TAF2: variants seen among roughly 807,000 people sequenced by gnomAD.
The protein encoded by TAF2 is transcription initiation factor TFIID subunit 2.
Under a neutral mutation model 138.5 loss-of-function variants are expected in TAF2, and 61 were observed. The ratio of observed to expected loss-of-function variants is 0.44; its 90% confidence interval spans 0.36 to 0.54. The LOEUF (loss-of-function observed/expected upper bound fraction) is 0.54, where lower values mean the gene tolerates loss of function less well. Among genes scored for constraint, TAF2 ranks in the 20% least tolerant of loss-of-function variants. The probability of loss-of-function intolerance (pLI) is 0.00; values close to 1 mark genes in which losing one functional copy is unlikely to be tolerated. For synonymous variants in TAF2, 475 were observed against 469.9 expected (o/e 1.01, Z -0.14); for missense variants, 1,090 against 1,427.9 (o/e 0.76, Z 3.81).
chr8:119,783,335 A>C, intron 16 of TAF2, 46 bp downstream of exon 16: 1 of 1,581,712 alleles, frequency 6.3e-7, no homozygotes, highest in Non-Finnish European at 8.6e-7. Flanking sequence ...AGAGATACAA[A>C]AAATATATAC....
At chr8:119,775,218 T>C (rs548117781) in intron 18 of TAF2, among the ~76,000 whole-genome samples, 1 of 139,334 alleles carries the variant, frequency 7.2e-6, no homozygotes, top group Non-Finnish European at 1.5e-5. Context: ...GAGGCAGAGG[T>C]TGCAGTGAGC....
Position 119,731,935 on chromosome 8 carries a change from G to C in TAF2, c.3589C>G (p.Leu1197Val), listed in dbSNP as rs750133454. The C allele has an allele frequency of 6.2e-7, 1 of 1,614,184 alleles. No homozygotes were observed. The highest frequency in any genetic ancestry group is 1.6e-4 in the Middle Eastern group (1 of 6,062). Reference protein sequence around the residue: ...ASGRSIRSPSLSD With the variant: ...ASGRSIRSPSVSD ...TTTTTGTCCCCTTCTCAGTCTGAAA[G>C]GGAAGGAGAACGAATAGACCTGCCA... The change falls in exon 26 of 26, where the codon CTT becomes GTT. Residue 1197 changes from leucine to valine, a missense_variant. Physicochemically the swap from Leu to Val is conservative, Grantham distance 32. Around this residue, in one of 3 missense-constraint regions of TAF2, gnomAD observed 580 missense variants for 719.6 expected, o/e 0.81. Coordinates refer to ENST00000378164, the MANE Select transcript of TAF2 (RefSeq NM_003184.4).
Position 119,758,086 on chromosome 8 carries a change from C to T in TAF2, c.2755G>A (p.Val919Ile), listed in dbSNP as rs1468135775. 6.2e-7 allele frequency: 1 copy of T among 1,613,252 alleles called. No individual in the cohort carries two copies. Among genetic ancestry groups the T allele is most frequent in the Non-Finnish European group, 8.5e-7 (1 of 1,179,564 alleles). Residue 919 changes from valine to isoleucine, a missense_variant, in exon 21 of 26, where the codon GTA (valine) becomes ATA (isoleucine). Transcript: ENST00000378164. ...WLLNMIQNDP[V>I]PYVRHKILNM... is the part of the protein sequence containing the mutation. ...ACATAAACTAACCTTACATAGGGTA[C>T]AGGGTCATTCTGAATCATATTAAGT... is the stretch of plus-strand genomic sequence containing the variant.
At chr8:119,791,553 C>T in intron 10 of TAF2, 94 bp from the exon 11 acceptor site, 1 of 1,425,728 alleles carries the variant, frequency 7.0e-7, no homozygotes. Flanking sequence ...ACCCAAAAAA[C>T]CTCAGGAGAA....
chr8:119,794,015 C>A (rs1347378106), intron 9 of TAF2, among the ~76,000 whole-genome samples: 2 of 151,958 alleles, frequency 1.3e-5, no homozygotes, highest in African/African-American at 4.8e-5. Flanking sequence ...GCAGCCTTGA[C>A]TTCCTGGGCT....
At chr8:119,790,953 T>A (rs1240556474) in intron 11 of TAF2, among the ~76,000 whole-genome samples, 2 of 150,916 alleles carry the variant, frequency 1.3e-5, no homozygotes, top group Admixed American at 6.8e-5. Context: ...CATGCCACTA[T>A]GCCTGACTTA....
chr8:119,825,850 A>ATT (rs1826062255), intron 2 of TAF2, among the ~76,000 whole-genome samples: 1 of 74,874 alleles, frequency 1.3e-5, no homozygotes, highest in South Asian at 3.9e-4. Context: ...ACGCCTGGCT[A>ATT]ATTTTTTTTT....
chr8:119,783,830 T>A (rs553099470), intron 15 of TAF2, among the ~76,000 whole-genome samples, 197 bp from the exon 16 acceptor site: 9 of 152,282 alleles, frequency 5.9e-5, no homozygotes, highest in African/African-American at 2.2e-4. Flanking sequence ...GTCAACTTTC[T>A]CACAATGTCT....
At chr8:119,818,025 TG>T (rs1825587036) in intron 3 of TAF2, among the ~76,000 whole-genome samples, 1 of 152,266 alleles carries the variant, frequency 6.6e-6, no homozygotes, top group Admixed American at 6.5e-5. Context: ...CAGGGTTCCC[TG>T]AATTTTTCCA....
At chr8:119,783,304 G>C in intron 16 of TAF2, 77 bp downstream of exon 16, 1 of 1,538,186 alleles carries the variant, frequency 6.5e-7, no homozygotes, top group Non-Finnish European at 8.8e-7. Flanking sequence ...TTAAAGACTA[G>C]GTGAATTTTA....
intron 13 of TAF2, 116 bp from the exon 14 acceptor site, chr8:119,788,563 T>A: frequency 1.1e-6 from 1 of 901,428 alleles, no homozygotes; most frequent in Admixed American, 2.4e-5. Context: ...AATGAGTATC[T>A]GGAGACCTAG....
intron 9 of TAF2, 145 bp from the exon 10 acceptor site, chr8:119,793,596 T>G: frequency 1.5e-6 from 1 of 663,888 alleles, no homozygotes. Context: ...ATTTAAAGAG[T>G]AGTTTATGTT....
chr8:119,744,788 C>T (rs769799997), intron 23 of TAF2: 19 of 404,944 alleles, frequency 4.7e-5, no homozygotes, highest in Non-Finnish European at 7.8e-5. Flanking sequence ...GCGTGTGTTC[C>T]TGCTAAGGAA....
intron 3 of TAF2, 137 bp from the exon 4 acceptor site, chr8:119,806,538 C>G (rs1824668602): frequency 1.5e-6 from 1 of 663,920 alleles, no homozygotes; most frequent in Non-Finnish European, 2.6e-6. Context: ...GGCACCATCT[C>G]AACTCACTGC....
chr8:119,781,504 C>T (rs538312082), intron 16 of TAF2, among the ~76,000 whole-genome samples: 4 of 152,100 alleles, frequency 2.6e-5, no homozygotes, highest in African/African-American at 7.2e-5. Flanking sequence ...ATGGTGAAAC[C>T]CCATCTATAC....
At chr8:119,783,008 GACAC>G (rs35199230) in intron 16 of TAF2, among the ~76,000 whole-genome samples, 41,038 of 150,310 alleles carry the variant, frequency 0.27, 6,782 homozygotes, top group Admixed American at 0.46. Context: ...CACACCCACA[GACAC>G]ACACACACAC....
intron 22 of TAF2, among the ~76,000 whole-genome samples, 193 bp from the exon 23 acceptor site, chr8:119,747,127 TCTTC>T (rs1298156442): frequency 6.6e-6 from 1 of 152,198 alleles, no homozygotes; most frequent in Non-Finnish European, 1.5e-5. Context: ...TAGCCTTAAT[TCTTC>T]CTTTTTATTC....
intron 21 of TAF2, 40 bp downstream of exon 21, chr8:119,758,033 G>A: frequency 6.6e-7 from 1 of 1,525,702 alleles, no homozygotes; most frequent in Non-Finnish European, 9.1e-7. Context: ...TTCACTATAG[G>A]ACTTACAAAA....
chr8:119,746,931 G>T lies in TAF2; in HGVS notation c.2882C>A (p.Thr961Asn). The change falls in exon 23 of 26, where the codon ACT becomes AAT. Residue 961 changes from threonine to asparagine, a missense_variant. Thr to Asn is a moderately conservative substitution (Grantham distance 65). Around this residue, in one of 3 missense-constraint regions of TAF2, gnomAD observed 580 missense variants for 719.6 expected, o/e 0.81. Transcript: ENST00000378164. Reference sequence around the variant, plus strand: ...ACACCGTAACCTCCAGTCATGTGAAGTACCTAAAAAGTAAGTAATAAAGAA... The same window carrying T: ...ACACCGTAACCTCCAGTCATGTGAATTACCTAAAAAGTAAGTAATAAAGAA... ...DQLWKLMNSG[T>N]SHDWRLRCGA... The T allele has an allele frequency of 6.2e-7, 1 of 1,614,018 alleles. No individual in the cohort carries two copies. Among genetic ancestry groups the T allele is most frequent in the Non-Finnish European group, 8.5e-7 (1 of 1,179,974 alleles).
Sources: gnomAD v4.1 joint callset for allele counts (sites outside exome capture counted in the v4.1 genomes callset) on GRCh38, gnomAD v4.1.1 for gene constraint, gnomAD v4.1.1 regional missense constraint, MANE v1.5 for transcripts, NCBI Gene and HGNC (gene_info 2026-07-23, HGNC 2026-07-21) for gene names.